The following FIRRM variants were observed in gnomAD, a reference collection of about 807,000 sequenced individuals.
FIRRM encodes FIGNL1 interacting regulator of recombination and mitosis.
chr1:169,846,926 T>G, the FIRRM span, among the ~76,000 whole-genome samples: 2 of 152,176 alleles, frequency 1.3e-5, no homozygotes, highest in African/African-American at 4.8e-5. Flanking sequence ...TGAATTATCT[T>G]TAGCTTTTGA....
At chr1:169,802,574 C>T in the FIRRM span, 2 of 1,313,808 alleles carry the variant, frequency 1.5e-6, no homozygotes, top group South Asian at 2.5e-5. Context: ...CTTGTCTTTT[C>T]TAGTGATTTC....
chr1:169,795,103 A>G, the FIRRM span: 3 of 1,535,496 alleles, frequency 2.0e-6, no homozygotes, highest in Non-Finnish European at 2.6e-6. Context: ...TGACGAAAGT[A>G]TGTCTCAGGA....
At chr1:169,791,613 G>A in the FIRRM span, among the ~76,000 whole-genome samples, 53 of 152,276 alleles carry the variant, frequency 3.5e-4, no homozygotes, top group South Asian at 6.8e-3. Flanking sequence ...AAGCTCTTCT[G>A]CCCTGTATAC....
chr1:169,830,375 G>A, the FIRRM span: 3 of 1,543,900 alleles, frequency 1.9e-6, no homozygotes, highest in Non-Finnish European at 2.7e-6. Context: ...TCTTTGGATT[G>A]GTTATTAGTA....
the FIRRM span, among the ~76,000 whole-genome samples, chr1:169,814,862 C>T: frequency 2.4e-4 from 36 of 152,156 alleles, no homozygotes; most frequent in African/African-American, 8.2e-4. Context: ...TGGGGGTTGG[C>T]ACCCCTAGAC....
At chr1:169,809,112 A>G in the FIRRM span, among the ~76,000 whole-genome samples, 2 of 152,166 alleles carry the variant, frequency 1.3e-5, no homozygotes, top group African/African-American at 4.8e-5. Flanking sequence ...ATCTGGAAGG[A>G]CAGACCCTAG....
the FIRRM span, among the ~76,000 whole-genome samples, chr1:169,789,393 T>C: frequency 2.0e-5 from 3 of 152,202 alleles, no homozygotes; most frequent in South Asian, 2.1e-4. Context: ...ACAGACCCTA[T>C]AGCAGATGTG....
At chr1:169,803,999 A>G in the FIRRM span, 2 of 917,722 alleles carry the variant, frequency 2.2e-6, no homozygotes, top group South Asian at 6.4e-5. Flanking sequence ...ATGATCTCTA[A>G]TAGTATGAAT....
the FIRRM span, among the ~76,000 whole-genome samples, chr1:169,826,560 A>G: frequency 1.3e-5 from 2 of 148,276 alleles, no homozygotes; most frequent in Non-Finnish European, 3.0e-5. Context: ...ACGGGGTTTC[A>G]CCATGTTGGC....
the FIRRM span, among the ~76,000 whole-genome samples, chr1:169,848,250 T>C: frequency 6.6e-6 from 1 of 152,180 alleles, no homozygotes; most frequent in Admixed American, 6.5e-5. Context: ...TTTATAAAAT[T>C]ATACTGCACT....
At chr1:169,789,501 G>A in the FIRRM span, among the ~76,000 whole-genome samples, 4 of 152,190 alleles carry the variant, frequency 2.6e-5, no homozygotes. Context: ...TCGTCTGTGG[G>A]ACATGAAAAC....
chr1:169,842,938 TG>T, the FIRRM span, among the ~76,000 whole-genome samples: 1 of 152,222 alleles, frequency 6.6e-6, no homozygotes, highest in Admixed American at 6.5e-5. Flanking sequence ...AGTGAATGGA[TG>T]TGGCTAATTT....
chr1:169,847,045 G>A, the FIRRM span, among the ~76,000 whole-genome samples: 1 of 152,070 alleles, frequency 6.6e-6, no homozygotes, highest in South Asian at 2.1e-4. Context: ...AGGAGAGGGG[G>A]AGAGACTGGT....
the FIRRM span, among the ~76,000 whole-genome samples, chr1:169,804,882 C>T: frequency 6.6e-6 from 1 of 152,124 alleles, no homozygotes; most frequent in East Asian, 1.9e-4. Flanking sequence ...AGGGTTTCAC[C>T]GTGTTGGCCA....
the FIRRM span, chr1:169,830,203 A>G: frequency 7.3e-7 from 1 of 1,370,320 alleles, no homozygotes; most frequent in Non-Finnish European, 1.0e-6. Context: ...ATATAATATT[A>G]TTGCTTATTG....
At chr1:169,837,956 G>C in the FIRRM span, among the ~76,000 whole-genome samples, 1 of 152,064 alleles carries the variant, frequency 6.6e-6, no homozygotes, top group Non-Finnish European at 1.5e-5. Context: ...TTTTTGGCGG[G>C]GATGAGGTTT....
At chr1:169,828,552 GT>G in the FIRRM span, among the ~76,000 whole-genome samples, 57 of 146,778 alleles carry the variant, frequency 3.9e-4, no homozygotes, top group African/African-American at 1.2e-3. Context: ...GTTTTGTTTT[GT>G]TTTTTTTTTG....
the FIRRM span, chr1:169,808,064 T>C: frequency 3.5e-6 from 3 of 850,368 alleles, 1 homozygote; most frequent in South Asian, 5.2e-5. Flanking sequence ...TTTTTTGATC[T>C]GTGGGATTAT....
chr1:169,835,111 A>G, the FIRRM span, among the ~76,000 whole-genome samples: 3 of 152,204 alleles, frequency 2.0e-5, no homozygotes, highest in Non-Finnish European at 4.4e-5. Flanking sequence ...ACTTGAAATA[A>G]TTATTCAACT....
Sources: gnomAD v4.1 joint callset for allele counts (sites outside exome capture counted in the v4.1 genomes callset) on GRCh38, gnomAD v4.1.1 for gene constraint, MANE v1.5 for transcripts, NCBI Gene and HGNC (gene_info 2026-07-23, HGNC 2026-07-21) for gene names.